Variants in CACNA2D4 observed in about 807,000 individuals in gnomAD.
CACNA2D4 encodes voltage-dependent calcium channel subunit alpha-2/delta-4.
CACNA2D4 carries 157 observed loss-of-function variants against 163.8 expected under a neutral mutation model. The ratio of observed to expected loss-of-function variants is 0.96; its 90% CI spans 0.84 to 1.09. CACNA2D4 has a LOEUF of 1.09. Ranked by LOEUF, CACNA2D4 falls within the 50% of genes least tolerant of loss-of-function variation. The pLI, the probability that CACNA2D4 is intolerant of heterozygous loss-of-function variation, is 0.00. For missense variants in CACNA2D4, 1,410 were observed against 1,479.9 expected (o/e 0.95, Z 0.78); for synonymous variants, 598 against 586.9 (o/e 1.02, Z -0.27).
chr12:1,916,637 A>G (rs1158311973), intron 1 of CACNA2D4, among the ~76,000 whole-genome samples: 1 of 152,140 alleles, frequency 6.6e-6, no homozygotes, highest in Non-Finnish European at 1.5e-5. Flanking sequence ...AGCGGAGCGC[A>G]GTGCCACGGA....
At chr12:1,914,803 G>T (rs1866923447) in intron 2 of CACNA2D4, 51 bp downstream of exon 2, 5 of 1,306,640 alleles carry the variant, frequency 3.8e-6, no homozygotes, top group Non-Finnish European at 5.5e-6. Context: ...GGGCTTCGAT[G>T]GCTGACTGCC....
chr12:1,801,764 C>A (rs977670662), intron 29 of CACNA2D4, 120 bp from the exon 30 acceptor site: 70 of 620,182 alleles, frequency 1.1e-4, no homozygotes, highest in Non-Finnish European at 1.5e-4. Flanking sequence ...TTGGGCTTTC[C>A]CTCTGACTGC....
At position 1,918,354 on chromosome 12, in the gene CACNA2D4, C is replaced by A. The variant is rs528227884; in HGVS notation, c.120G>T (p.Met40Ile). The change falls in exon 1 of 38, where the codon ATG (methionine) becomes ATT (isoleucine). Residue 40 changes from methionine (M) to isoleucine (I), a missense_variant. Coordinates refer to ENST00000382722, the MANE Select transcript of CACNA2D4 (RefSeq NM_172364.5). ...TCTGCACAAAGGCCCAGGCCACGGG[C>A]ATTGGCTGGAGGGGAATCCAGCGGC... ...SSSRWIPLQP[M>I]PVAWAFVQKT... 6.2e-7 allele frequency: 1 copy of A among 1,607,678 alleles called. No individual in the cohort carries two copies. The highest frequency in any genetic ancestry group is 1.3e-5 in the African/African-American group (1 of 74,948).
intron 6 of CACNA2D4, among the ~76,000 whole-genome samples, chr12:1,888,475 G>T (rs1188220427): frequency 6.6e-6 from 1 of 152,138 alleles, no homozygotes; most frequent in Non-Finnish European, 1.5e-5. Context: ...TCAAGAGCTG[G>T]ATATAGCTTC....
chr12:1,814,648 G>A (rs116272505), intron 26 of CACNA2D4, among the ~76,000 whole-genome samples: 1,534 of 152,150 alleles, frequency 0.01, 36 homozygotes, highest in African/African-American at 0.035. Context: ...CCCATCCAAC[G>A]TCTGCACACC....
intron 26 of CACNA2D4, among the ~76,000 whole-genome samples, chr12:1,838,324 C>T (rs777211480): frequency 4.6e-5 from 7 of 152,106 alleles, no homozygotes; most frequent in Non-Finnish European, 7.4e-5. Flanking sequence ...GAGCTCGGTG[C>T]GCAATCGTCA....
In CACNA2D4 at chr12:1,840,732, T is replaced by C; in HGVS notation, c.2551+7A>G. The C allele has an allele frequency of 1.9e-6, 3 of 1,612,996 alleles. No homozygotes were observed. The highest frequency in any genetic ancestry group is 2.5e-6 in the Non-Finnish European group (3 of 1,179,134). On this transcript the variant is annotated splice_region_variant and intron_variant, in intron 26 of 37. Coordinates refer to ENST00000382722, the MANE Select transcript of CACNA2D4 (RefSeq NM_172364.5). ...CCTGGCCTCAACACCACAAGGGCCG[T>C]TCCTACCTGCAGCAATGGCTGTCCT...
intron 18 of CACNA2D4, among the ~76,000 whole-genome samples, chr12:1,865,955 T>C (rs1261427435): frequency 1.3e-5 from 2 of 152,258 alleles, no homozygotes; most frequent in African/African-American, 4.8e-5. Flanking sequence ...ATTTTGTCCC[T>C]GAATGAAGGC....
At chr12:1,909,825 C>T (rs1261500469) in intron 4 of CACNA2D4, 81 bp downstream of exon 4, 13 of 1,232,544 alleles carry the variant, frequency 1.1e-5, no homozygotes, top group East Asian at 2.4e-5. Context: ...CACCCTACGC[C>T]GCCACCCTAT....
At chr12:1,797,669 C>G in intron 34 of CACNA2D4, 134 bp from the exon 35 acceptor site, 7 of 665,582 alleles carry the variant, frequency 1.1e-5, no homozygotes, top group African/African-American at 1.8e-5. Context: ...TCTCAGGACA[C>G]GCGTGGGAGG....
At position 1,884,827 on chromosome 12, in the gene CACNA2D4, C is replaced by T. The variant is rs201648165; in HGVS notation, c.1213G>A (p.Asp405Asn). ...LCNQAIMLIS[D>N]GAVEDYEPVF... Reference sequence around the variant, plus strand: ...GGCTCGTAGTCCTCCACGGCGCCGTCGCTGATGAGCATGATGGCCTGGTTG... The same window carrying T: ...GGCTCGTAGTCCTCCACGGCGCCGTTGCTGATGAGCATGATGGCCTGGTTG... Residue 405 changes from aspartate to asparagine, a missense_variant, in exon 11 of 38, where the codon GAC becomes AAC. By Grantham distance (23) the Asp-to-Asn change is conservative. Transcript: ENST00000382722. The T allele has an allele frequency of 1.5e-4, 246 of 1,613,762 alleles. 1 individual carries two copies. Among genetic ancestry groups the T allele is most frequent in the Admixed American group, 4.3e-4 (26 of 59,992 alleles).
At chr12:1,885,943 T>G in intron 9 of CACNA2D4, 22 bp downstream of exon 9, 1 of 1,584,358 alleles carries the variant, frequency 6.3e-7, no homozygotes, top group South Asian at 1.1e-5. Context: ...CTTGGAAGTC[T>G]CAGGCCACCG....
chr12:1,880,591 C>G (rs145352993), intron 13 of CACNA2D4, among the ~76,000 whole-genome samples: 1 of 152,362 alleles, frequency 6.6e-6, no homozygotes, highest in East Asian at 1.9e-4. Context: ...TTCTGACAAG[C>G]ATGTGGGAAG....
chr12:1,865,931 C>G (rs1865643059), intron 18 of CACNA2D4, among the ~76,000 whole-genome samples: 1 of 152,230 alleles, frequency 6.6e-6, no homozygotes, highest in East Asian at 1.9e-4. Flanking sequence ...TTGGGATGTT[C>G]TATGGAAACA....
intron 6 of CACNA2D4, among the ~76,000 whole-genome samples, chr12:1,898,816 A>T (rs1866469922): frequency 6.6e-6 from 1 of 152,154 alleles, no homozygotes; most frequent in Non-Finnish European, 1.5e-5. Context: ...TGCTAAGTGA[A>T]GGAAGCCCAT....
chr12:1,895,307 A>G (rs924140209), intron 6 of CACNA2D4, among the ~76,000 whole-genome samples: 8 of 152,336 alleles, frequency 5.3e-5, no homozygotes, highest in Non-Finnish European at 1.0e-4. Context: ...GCCCAAAGCA[A>G]TCTACAGATT....
At chr12:1,890,793 G>T (rs907611993) in intron 6 of CACNA2D4, among the ~76,000 whole-genome samples, 2 of 152,180 alleles carry the variant, frequency 1.3e-5, no homozygotes, top group African/African-American at 4.8e-5. Context: ...CCTGTCTGGG[G>T]CCTGGGAACT....
intron 26 of CACNA2D4, among the ~76,000 whole-genome samples, chr12:1,830,389 T>C (rs989632003): frequency 2.0e-5 from 3 of 152,228 alleles, no homozygotes; most frequent in African/African-American, 7.2e-5. Context: ...TTTTGTGCTC[T>C]CGCCTTTCCA....
chr12:1,846,856 G>A (rs555272681), intron 23 of CACNA2D4, among the ~76,000 whole-genome samples, 167 bp from the exon 24 acceptor site: 47 of 152,348 alleles, frequency 3.1e-4, no homozygotes, highest in Middle Eastern at 6.8e-3. Flanking sequence ...GCACCCTGCT[G>A]GCATCCACGG....
Sources: gnomAD v4.1 joint callset for allele counts (sites outside exome capture counted in the v4.1 genomes callset) on GRCh38, gnomAD v4.1.1 for gene constraint, MANE v1.5 for transcripts, NCBI Gene and HGNC (gene_info 2026-07-23, HGNC 2026-07-21) for gene names.